SBF2: variants seen among roughly 807,000 people sequenced by gnomAD.
SBF2 encodes SET binding factor 2.
In SBF2, 112 loss-of-function variants were observed where a neutral mutation model predicts 225.2. That is an observed-to-expected ratio of 0.50 (90% CI 0.43 to 0.58). The LOEUF (loss-of-function observed/expected upper bound fraction) is 0.58, where lower values mean the gene tolerates loss of function less well. SBF2 is among the 20% of genes least tolerant of loss of function. The probability of loss-of-function intolerance (pLI) is 0.00; values close to 1 mark genes in which losing one functional copy is unlikely to be tolerated. For synonymous variants in SBF2, 763 were observed against 773.3 expected, an observed-to-expected ratio of 0.99 and a Z score of 0.22; for missense variants, 1,996 against 2,206.2, an observed-to-expected ratio of 0.90 and a Z score of 1.91.
In SBF2 at chr11:9,968,443, G is replaced by A. The variant is rs146366305; in HGVS notation, c.1498C>T (p.Arg500Trp). ...TTTTCCTGTATTAATTCCTGAACCC[G>A]GGCTTCATTAATCTCTGGGAAAGGA... ...ILPFPEINEA[R>W]VQELIQENVA... Residue 500 changes from arginine to tryptophan, a missense_variant, in exon 14 of 40, where the codon CGG becomes TGG. Coordinates refer to ENST00000256190, the MANE Select transcript of SBF2 (RefSeq NM_030962.4). 3.2e-5 allele frequency: 52 copies of A among 1,613,798 alleles called. No homozygotes were observed. In the African/African-American group the frequency reaches 3.5e-4, roughly 11 times the overall value.
chr11:10,157,968 A>C (rs560873716), intron 2 of SBF2, among the ~76,000 whole-genome samples: 1 of 152,344 alleles, frequency 6.6e-6, no homozygotes, highest in South Asian at 2.1e-4. Flanking sequence ...AAATTTATGA[A>C]AACTGAAATC....
chr11:9,901,401 A>G, intron 16 of SBF2, among the ~76,000 whole-genome samples: 1 of 152,160 alleles, frequency 6.6e-6, no homozygotes, highest in East Asian at 1.9e-4. Context: ...CTACAACCAA[A>G]TGAATAGACC....
chr11:10,281,305 T>C (rs1963390603), intron 1 of SBF2, among the ~76,000 whole-genome samples: 2 of 152,208 alleles, frequency 1.3e-5, no homozygotes, highest in South Asian at 2.1e-4. Context: ...TGGCCCAAGA[T>C]GGCTGCTGGG....
chr11:9,898,538 G>A (rs1861460226), intron 16 of SBF2, among the ~76,000 whole-genome samples: 1 of 152,080 alleles, frequency 6.6e-6, no homozygotes, highest in Non-Finnish European at 1.5e-5. Context: ...GGGCACAGTG[G>A]CCTGTGCATG....
intron 19 of SBF2, among the ~76,000 whole-genome samples, chr11:9,855,235 A>G (rs992008314): frequency 1.3e-5 from 2 of 152,200 alleles, no homozygotes; most frequent in Non-Finnish European, 2.9e-5. Context: ...GGGGTAAGAG[A>G]TCTGTGCAGT....
rs1194397200 is a variant in SBF2, at chr11:10,193,925, G to A, written c.118C>T (p.Pro40Ser). 5.0e-6 allele frequency: 8 copies of A among 1,611,810 alleles called. No homozygotes were observed. The highest frequency in any genetic ancestry group is 3.3e-5 in the South Asian group (3 of 91,036). ...ACCAACTCAATTCCCTGTGGAAAAG[G>A]TGTATCATCCCAGTCCTTCTGTGGA... The part of the protein sequence containing the change: ...RFPQKDWDDT[P>S]FPQGIELFCQ... The change falls in exon 2 of 40, where the codon CCT (proline) becomes TCT (serine). Residue 40 changes from proline (P) to serine (S), a missense_variant. Physicochemically the swap from Pro to Ser is moderately conservative, Grantham distance 74. Coordinates refer to ENST00000256190, the MANE Select transcript of SBF2 (RefSeq NM_030962.4).
At chr11:10,162,627 C>A (rs1318362151) in intron 2 of SBF2, among the ~76,000 whole-genome samples, 1 of 152,130 alleles carries the variant, frequency 6.6e-6, no homozygotes, top group Non-Finnish European at 1.5e-5. Context: ...TTTTGGCAGT[C>A]AAATTATCAG....
intron 35 of SBF2, 66 bp downstream of exon 35, chr11:9,789,042 TG>T: frequency 7.5e-7 from 1 of 1,338,236 alleles, no homozygotes; most frequent in Non-Finnish European, 1.1e-6. Flanking sequence ...TTACTTAGCC[TG>T]GTTCCTTTGC....
intron 17 of SBF2, among the ~76,000 whole-genome samples, chr11:9,862,332 T>C (rs1238025535): frequency 1.3e-5 from 2 of 152,218 alleles, no homozygotes; most frequent in African/African-American, 4.8e-5. Context: ...AGTATCACTT[T>C]ATTCTGCCTA....
intron 2 of SBF2, among the ~76,000 whole-genome samples, chr11:10,132,543 C>A (rs1397766170): frequency 6.8e-6 from 1 of 146,794 alleles, no homozygotes; most frequent in East Asian, 2.3e-4. Flanking sequence ...TAAGGCAGCG[C>A]GTCTGGAGTT....
At chr11:10,144,693 G>A (rs890909334) in intron 2 of SBF2, among the ~76,000 whole-genome samples, 6 of 152,152 alleles carry the variant, frequency 3.9e-5, no homozygotes, top group African/African-American at 9.7e-5. Flanking sequence ...AAAAGAAAGC[G>A]AGAAAGTTCC....
intron 3 of SBF2, among the ~76,000 whole-genome samples, chr11:10,040,730 G>C (rs150181162): frequency 2.0e-5 from 3 of 151,726 alleles, no homozygotes; most frequent in African/African-American, 7.2e-5. Context: ...GAATTTAGGT[G>C]TGTGTGTGTA....
chr11:9,783,903 CCCT>C (rs1050846881), intron 38 of SBF2, among the ~76,000 whole-genome samples: 3 of 152,090 alleles, frequency 2.0e-5, no homozygotes. Flanking sequence ...TAAATTAATG[CCCT>C]CTGTTTTGAA....
chr11:10,252,885 C>T (rs1960508689), intron 1 of SBF2, among the ~76,000 whole-genome samples: 1 of 151,584 alleles, frequency 6.6e-6, no homozygotes, highest in Admixed American at 6.6e-5. Flanking sequence ...TCCAGCAGTT[C>T]TGTACCTCAC....
intron 1 of SBF2, among the ~76,000 whole-genome samples, chr11:10,237,245 C>T (rs1032165558): frequency 6.6e-6 from 1 of 152,062 alleles, no homozygotes; most frequent in African/African-American, 2.4e-5. Flanking sequence ...TATTTGGGAG[C>T]CTGTGGCATG....
Position 9,802,492 on chromosome 11 carries a change from T to A in SBF2, c.4443+5508A>T, listed in dbSNP as rs1853549102. On this transcript the variant is annotated intron_variant, in intron 32 of 39. Coordinates refer to ENST00000256190, the MANE Select transcript of SBF2 (RefSeq NM_030962.4). ...ATGTCCATGGACTGCCTTTTGGCAT[T>A]CAATGTTAGAAATGGTTAATAAGCA... Among the ~76,000 whole-genome samples, 3 of 152,224 alleles carry A rather than the reference T, an allele frequency of 2.0e-5. No individual in the cohort carries two copies. In the South Asian group the frequency reaches 6.2e-4, roughly 32 times the overall value.
intron 13 of SBF2, among the ~76,000 whole-genome samples, chr11:9,974,696 CAGT>C (rs1946599709): frequency 6.6e-6 from 1 of 150,424 alleles, no homozygotes; most frequent in Non-Finnish European, 1.5e-5. Flanking sequence ...CAGCCGGGTG[CAGT>C]AGCTCATGCC....
At chr11:10,241,061 G>C (rs957261699) in intron 1 of SBF2, among the ~76,000 whole-genome samples, 2 of 152,150 alleles carry the variant, frequency 1.3e-5, no homozygotes, top group Non-Finnish European at 2.9e-5. Flanking sequence ...ATATACAAGA[G>C]AGAAAGTGGC....
At chr11:10,135,317 C>A (rs1954294485) in intron 2 of SBF2, among the ~76,000 whole-genome samples, 1 of 152,036 alleles carries the variant, frequency 6.6e-6, no homozygotes, top group East Asian at 1.9e-4. Context: ...ATGGCAGGGG[C>A]TGCCACAGAG....
Sources: gnomAD v4.1 joint callset for allele counts (sites outside exome capture counted in the v4.1 genomes callset) on GRCh38, gnomAD v4.1.1 for gene constraint, MANE v1.5 for transcripts, NCBI Gene and HGNC (gene_info 2026-07-23, HGNC 2026-07-21) for gene names.